METTL25: variants seen among roughly 807,000 people sequenced by gnomAD.
METTL25 encodes the protein methyltransferase like 25, also known as probable methyltransferase-like protein 25.
A neutral mutation model predicts 71.6 loss-of-function variants in METTL25; 64 were observed. The ratio of observed to expected loss-of-function variants is 0.89; its 90% CI spans 0.73 to 1.10. The LOEUF is 1.10. METTL25 is among the 50% of genes least tolerant of loss of function. METTL25 has a pLI of 0.00. For synonymous variants in METTL25, 287 were observed against 250.3 expected, an observed-to-expected ratio of 1.15 and a Z score of -1.38; for missense variants, 807 against 707.0, an observed-to-expected ratio of 1.14 and a Z score of -1.60.
rs781464540 is a variant in METTL25 at position 82,403,101 on chromosome 12, T to TA, written c.1251dup (p.Ser418IlefsTer2). The TA allele has an allele frequency of 1.2e-6, 2 of 1,612,600 alleles. No individual in the cohort carries two copies. Among genetic ancestry groups the TA allele is most frequent in the East Asian group, 4.5e-5 (2 of 44,784 alleles). ...AGTGTGGGTTGTTGCTACCACCTCT[T>TA]ATCTGAAGAATTTGAAAACCAGCAT... is the stretch of plus-strand genomic sequence containing the variant. On this transcript the variant is annotated frameshift_variant, in exon 5 of 12. Transcript: ENST00000248306. LOFTEE classifies it high-confidence loss of function.
At position 82,422,333 on chromosome 12, in the gene METTL25, G is replaced by A. The variant is rs565844200; in HGVS notation, c.1280-8560G>A. The stretch of plus-strand genomic sequence containing the variant: ...CTCAATAGATGCAGAAAAGGCCTTC[G>A]ACAAAATTCAACAGCCCTTCATGCT... On this transcript the variant is annotated intron_variant, in intron 5 of 11. Coordinates refer to ENST00000248306, the MANE Select transcript of METTL25 (RefSeq NM_032230.3). 1.3e-3 allele frequency among the ~76,000 whole-genome samples: 203 copies of A among 152,174 alleles called. No individual in the cohort carries two copies. The Middle Eastern group carries it at 0.017, about 13-fold the overall frequency.
intron 9 of METTL25, among the ~76,000 whole-genome samples, chr12:82,460,191 T>C (rs1038867823): frequency 3.9e-5 from 6 of 152,186 alleles, no homozygotes; most frequent in African/African-American, 1.4e-4. Flanking sequence ...AAAGTTACAG[T>C]ATATGGTCTA....
chr12:82,399,274 T>G lies in METTL25; in HGVS notation c.1011T>G (p.Ser337=), dbSNP rs1186816539. The G allele has an allele frequency of 6.2e-7, 1 of 1,613,768 alleles. No individual in the cohort carries two copies. The highest frequency in any genetic ancestry group is 1.1e-5 in the South Asian group (1 of 91,070). The change falls in exon 4 of 12, where the codon TCT becomes TCG. Residue 337 remains serine, a synonymous_variant. Transcript: ENST00000248306. ...SSQQIPNRET[S]EANKERRKMT... ...AGCAAATACCCAACAGAGAAACATC[T>G]GAAGCCAATAAAGAGAGAAGAAAAA...
chr12:82,366,574 TA>T (rs140463217), intron 1 of METTL25, among the ~76,000 whole-genome samples: 8,817 of 151,770 alleles, frequency 0.058, 311 homozygotes, highest in Middle Eastern at 0.12. Flanking sequence ...AGCTTGTCTT[TA>T]TTTTTTTTTT....
At chr12:82,477,431 G>A in intron 11 of METTL25, 79 bp downstream of exon 11, 1 of 673,192 alleles carries the variant, frequency 1.5e-6, no homozygotes, top group Non-Finnish European at 2.4e-6. Context: ...TCTAGGATAA[G>A]AGTCTTTCAC....
At chr12:82,444,251 G>A (rs752403895) in intron 8 of METTL25, among the ~76,000 whole-genome samples, 3 of 152,112 alleles carry the variant, frequency 2.0e-5, no homozygotes, top group Non-Finnish European at 2.9e-5. Context: ...GGAGGAAGTG[G>A]GAGGACATTC....
intron 5 of METTL25, among the ~76,000 whole-genome samples, chr12:82,427,268 CTG>C (rs1358813384): frequency 3.3e-5 from 5 of 151,954 alleles, no homozygotes; most frequent in Admixed American, 6.6e-5. Context: ...TAATCGTAGA[CTG>C]TGTGTGTTAT....
chr12:82,369,023 A>G (rs1014929024), intron 1 of METTL25, among the ~76,000 whole-genome samples: 22 of 152,136 alleles, frequency 1.4e-4, no homozygotes, highest in Admixed American at 1.2e-3. Context: ...CTACCCTTAA[A>G]CTGTATACTT....
intron 3 of METTL25, among the ~76,000 whole-genome samples, chr12:82,397,053 T>C (rs1565826557): frequency 6.6e-6 from 1 of 152,110 alleles, no homozygotes; most frequent in Non-Finnish European, 1.5e-5. Flanking sequence ...GAGTAAGACT[T>C]CTCTGAATAT....
chr12:82,394,248 CT>C (rs1242588791), intron 3 of METTL25, among the ~76,000 whole-genome samples: 1 of 151,970 alleles, frequency 6.6e-6, no homozygotes, highest in East Asian at 1.9e-4. Context: ...TCTTTGCCTA[CT>C]TTCTGTTTGG....
intron 1 of METTL25, among the ~76,000 whole-genome samples, chr12:82,369,081 G>T (rs1475535809): frequency 6.6e-6 from 1 of 152,056 alleles, no homozygotes; most frequent in Non-Finnish European, 1.5e-5. Context: ...CTCTAATTTT[G>T]TTCATGGTAT....
chr12:82,415,376 G>A (rs1318689450), intron 5 of METTL25, among the ~76,000 whole-genome samples: 4 of 152,082 alleles, frequency 2.6e-5, no homozygotes, highest in Non-Finnish European at 5.9e-5. Context: ...AAAGGAATTA[G>A]CAGTGGAGAT....
At chr12:82,446,515 AC>A (rs1890752365) in intron 8 of METTL25, among the ~76,000 whole-genome samples, 1 of 151,826 alleles carries the variant, frequency 6.6e-6, no homozygotes, top group Non-Finnish European at 1.5e-5. Context: ...TAACAAGAGA[AC>A]CTTTGGAAAC....
chr12:82,416,529 G>A (rs1426278320), intron 5 of METTL25, among the ~76,000 whole-genome samples: 4 of 148,344 alleles, frequency 2.7e-5, no homozygotes, highest in Admixed American at 1.4e-4. Context: ...CTGTAGCCTC[G>A]ACCTGGGTTC....
intron 1 of METTL25, among the ~76,000 whole-genome samples, chr12:82,380,235 TC>T: frequency 6.6e-6 from 1 of 152,264 alleles, no homozygotes; most frequent in East Asian, 1.9e-4. Context: ...GCTTTTCTGT[TC>T]TTGCATTACT....
chr12:82,390,284 G>A (rs1357125941), intron 3 of METTL25, among the ~76,000 whole-genome samples: 1 of 152,014 alleles, frequency 6.6e-6, no homozygotes, highest in Non-Finnish European at 1.5e-5. Flanking sequence ...GATGTTTTCA[G>A]GATATGGGTT....
At chr12:82,385,394 G>A (rs998589869) in intron 1 of METTL25, among the ~76,000 whole-genome samples, 7 of 152,130 alleles carry the variant, frequency 4.6e-5, no homozygotes, top group African/African-American at 1.7e-4. Context: ...CTATAGTATG[G>A]ATTTTTTTGG....
At chr12:82,470,544 T>C (rs982774542) in intron 9 of METTL25, among the ~76,000 whole-genome samples, 2 of 151,702 alleles carry the variant, frequency 1.3e-5, no homozygotes, top group African/African-American at 2.4e-5. Context: ...CAACTAATTT[T>C]TACAGGGCAG....
chr12:82,446,861 C>T (rs1890788880), intron 8 of METTL25, among the ~76,000 whole-genome samples: 1 of 152,052 alleles, frequency 6.6e-6, no homozygotes, highest in Non-Finnish European at 1.5e-5. Context: ...AGGTGATCTG[C>T]CTGCCTCGGT....
Sources: gnomAD v4.1 joint callset for allele counts (sites outside exome capture counted in the v4.1 genomes callset) on GRCh38, gnomAD v4.1.1 for gene constraint, MANE v1.5 for transcripts, NCBI Gene and HGNC (gene_info 2026-07-23, HGNC 2026-07-21) for gene names.